The following MYH10 variants were observed in gnomAD, a reference collection of about 807,000 sequenced individuals.
The protein encoded by MYH10 is myosin-10.
Under a neutral mutation model 257.8 loss-of-function variants are expected in MYH10, and 55 were observed. The observed-to-expected ratio is 0.21, with a 90% CI of 0.17 to 0.27. The LOEUF is 0.27. MYH10 is among the 10% of genes least tolerant of loss of function. MYH10 has a pLI of 1.00. For missense variants in MYH10, 1,631 were observed against 2,500.6 expected (o/e 0.65, Z 7.42); for synonymous variants, 854 against 921.7 (o/e 0.93, Z 1.33).
chr17:8,525,624 C>CG (rs1383225006), intron 17 of MYH10, among the ~76,000 whole-genome samples: 1 of 152,202 alleles, frequency 6.6e-6, no homozygotes, highest in African/African-American at 2.4e-5. Flanking sequence ...TTAGCCTACA[C>CG]GGGCAGTTCT....
chr17:8,507,598 T>C (rs1289857654), intron 26 of MYH10, among the ~76,000 whole-genome samples: 1 of 152,238 alleles, frequency 6.6e-6, no homozygotes, highest in Non-Finnish European at 1.5e-5. Context: ...TTAAACACAA[T>C]GGTCTGTAGG....
intron 2 of MYH10, among the ~76,000 whole-genome samples, chr17:8,613,819 G>C (rs564871295): frequency 2.1e-4 from 32 of 151,914 alleles, no homozygotes; most frequent in African/African-American, 7.5e-4. Flanking sequence ...GTTTATGAGA[G>C]ACATATTTTA....
In MYH10 at chr17:8,535,606, CA is replaced by C; in HGVS notation, c.1780-106del. 8.0e-7 allele frequency: 1 copy of C among 1,245,932 alleles called. No homozygotes were observed. 77.2% of individuals were successfully genotyped at this position (1,245,932 alleles called of 1,614,324 possible). A position where few individuals can be genotyped will look rare whatever the true frequency, so the allele number is the denominator to read the frequency against. On this transcript the variant is annotated intron_variant, in intron 15 of 42. Coordinates refer to ENST00000360416, the MANE Select transcript of MYH10 (RefSeq NM_001256012.3). This position sits in a 1 kb window ranked among gnomAD's most constrained non-coding sequence, Gnocchi z 4.3. ...CCAGAAACTTTTATACAACAGTCCC[CA>C]AAATGGGCTGTCTGAAAGACAATAT...
chr17:8,500,937 C>A lies in MYH10; in HGVS notation c.3633G>T (p.Lys1211Asn). The A allele has an allele frequency of 6.2e-7, 1 of 1,614,144 alleles. No individual in the cohort carries two copies. ...TCTTAGTTTCCTCCTCAAGAGCTTT[C>A]TTCAGCTCTGCCACTTCTTGTTCAC... Reference protein sequence around the residue: ...TKREQEVAELKKALEEETKNH... With the variant: ...TKREQEVAELNKALEEETKNH... The change falls in exon 29 of 43, where the codon AAG becomes AAT. Residue 1211 changes from lysine to asparagine, a missense_variant. Around this residue, in one of 11 missense-constraint regions of MYH10, gnomAD observed 463 missense variants for 621.8 expected, o/e 0.74. Coordinates refer to ENST00000360416, the MANE Select transcript of MYH10 (RefSeq NM_001256012.3).
At chr17:8,559,079 C>T (rs1247048218) in intron 7 of MYH10, among the ~76,000 whole-genome samples, 2 of 152,080 alleles carry the variant, frequency 1.3e-5, no homozygotes, top group Non-Finnish European at 1.5e-5. Context: ...TGTCATGTTT[C>T]TTTTTTGCCC....
intron 3 of MYH10, among the ~76,000 whole-genome samples, chr17:8,597,291 T>C (rs890290407): frequency 6.7e-6 from 1 of 149,436 alleles, no homozygotes; most frequent in African/African-American, 2.5e-5. Context: ...ATAGGCAGTC[T>C]AAAGATAGAA....
In MYH10 at chr17:8,506,413, G is replaced by A. The variant is rs1239985429; in HGVS notation, c.3291C>T (p.Asp1097=). Residue 1097 remains aspartate (D), a synonymous_variant, in exon 27 of 43, where the codon GAC becomes GAT. Coordinates refer to ENST00000360416, the MANE Select transcript of MYH10 (RefSeq NM_001256012.3). The surrounding 1 kb of genome is among the most constrained non-coding windows in gnomAD (Gnocchi z 5.0). ...GCAGCTCTGCGATCTGGTCCTGCAG[G>A]TCGGTCGTCTCCCCGTCGAGTTTTC... ...AKRKLDGETT[D]LQDQIAELQA... The A allele has an allele frequency of 6.2e-7, 1 of 1,612,888 alleles. No homozygotes were observed.
chr17:8,508,786 G>A (rs555880484), intron 25 of MYH10, 109 bp from the exon 26 acceptor site: 389 of 1,295,850 alleles, frequency 3.0e-4, no homozygotes, highest in South Asian at 2.2e-3. Flanking sequence ...AGTTCTATCG[G>A]CACTGCCTCC....
rs754219668 is a variant in MYH10 at position 8,504,652 on chromosome 17, G to C, written c.3599+42C>G. On this transcript the variant is annotated intron_variant, in intron 28 of 42. Transcript: ENST00000360416. This position sits in a 1 kb window ranked among gnomAD's most constrained non-coding sequence, Gnocchi z 5.6. The stretch of plus-strand genomic sequence containing the variant: ...CATTTCTGCACGGGCTCGGTGGAGA[G>C]GTCGGCAGGCGCCCGGGCCCTGCTT... 2 of 1,575,880 alleles carry C rather than the reference G, an allele frequency of 1.3e-6. No individual in the cohort carries two copies. Among genetic ancestry groups the C allele is most frequent in the South Asian group, 1.1e-5 (1 of 89,488 alleles).
intron 7 of MYH10, among the ~76,000 whole-genome samples, chr17:8,567,746 A>G (rs2083208940): frequency 6.6e-6 from 1 of 152,160 alleles, no homozygotes; most frequent in Admixed American, 6.5e-5. Flanking sequence ...GAACTAACAT[A>G]ACCAACTCCA....
chr17:8,508,175 C>A (rs1351228524), intron 26 of MYH10, among the ~76,000 whole-genome samples: 1 of 152,084 alleles, frequency 6.6e-6, no homozygotes, highest in Non-Finnish European at 1.5e-5. Context: ...CCCACGATCA[C>A]AGCTCACTCT....
intron 42 of MYH10, 84 bp from the exon 43 acceptor site, chr17:8,476,032 G>T: frequency 6.8e-7 from 1 of 1,463,392 alleles, no homozygotes; most frequent in South Asian, 1.3e-5. Flanking sequence ...CAATGCCACG[G>T]AACCTTCCCC....
intron 34 of MYH10, 116 bp downstream of exon 34, chr17:8,492,181 G>T: frequency 2.1e-6 from 2 of 973,818 alleles, no homozygotes; most frequent in African/African-American, 1.6e-5. Flanking sequence ...TTGCTGCTGG[G>T]CTGTGCATTC....
rs763757389 is a variant in MYH10, at chr17:8,490,585, C to CG, written c.4672-34dup. On this transcript the variant is annotated intron_variant, in intron 34 of 42. Transcript: ENST00000360416. This position sits in a 1 kb window ranked among gnomAD's most constrained non-coding sequence, Gnocchi z 4.1. ...ACCGAAGCATCAGGAAAGAGTTGAC[C>CG]GGGGTGGAGGCACATATGAAGAACA... The CG allele has an allele frequency of 6.3e-7, 1 of 1,597,930 alleles. No individual in the cohort carries two copies. Among genetic ancestry groups the CG allele is most frequent in the Non-Finnish European group, 8.6e-7 (1 of 1,165,472 alleles).
chr17:8,515,826 G>A (rs1285618801), intron 21 of MYH10, among the ~76,000 whole-genome samples: 2 of 152,120 alleles, frequency 1.3e-5, no homozygotes, highest in Non-Finnish European at 2.9e-5. Context: ...TTACAGGTGT[G>A]AGCCACCGTG....
At chr17:8,544,362 T>G (rs1474137873) in intron 13 of MYH10, among the ~76,000 whole-genome samples, 2 of 152,218 alleles carry the variant, frequency 1.3e-5, no homozygotes, top group East Asian at 3.8e-4. Context: ...AAATTTATTT[T>G]TAGGTGTTTT....
intron 40 of MYH10, among the ~76,000 whole-genome samples, chr17:8,478,902 G>A (rs1228943151): frequency 6.6e-6 from 1 of 152,160 alleles, no homozygotes; most frequent in Admixed American, 6.5e-5. Context: ...GGGCTAATTT[G>A]TGTATTTTTA....
intron 17 of MYH10, among the ~76,000 whole-genome samples, chr17:8,522,361 T>C (rs569494467): frequency 1.3e-5 from 2 of 152,264 alleles, no homozygotes; most frequent in East Asian, 1.9e-4. Context: ...GAGGTAAAAG[T>C]GAACTGCTCA....
chr17:8,546,954 G>A (rs1284616981), intron 11 of MYH10, among the ~76,000 whole-genome samples: 1 of 152,136 alleles, frequency 6.6e-6, no homozygotes, highest in Non-Finnish European at 1.5e-5. Context: ...ATGGAGTGTA[G>A]TGGCTATTCA....
Sources: allele counts gnomAD v4.1 joint callset (sites outside exome capture counted in the v4.1 genomes callset), GRCh38; gene constraint gnomAD v4.1.1; regional missense constraint gnomAD v4.1.1; non-coding constraint Gnocchi (gnomAD v3.1); transcripts MANE v1.5; gene names NCBI Gene and HGNC (gene_info 2026-07-23, HGNC 2026-07-21).